Variants in FAF1 observed in about 807,000 individuals in gnomAD.
The protein encoded by FAF1 is FAS-associated factor 1.
Under a neutral mutation model 92.5 loss-of-function variants are expected in FAF1, and 25 were observed. The observed-to-expected ratio is 0.27, with a 90% CI of 0.20 to 0.38. The LOEUF (loss-of-function observed/expected upper bound fraction) is 0.38. Ranked by LOEUF, FAF1 falls within the 10% of genes least tolerant of loss-of-function variation. The pLI is 1.00. For missense variants in FAF1, 636 were observed against 793.3 expected, an observed-to-expected ratio of 0.80 and a Z score of 2.38; for synonymous variants, 234 against 273.2, an observed-to-expected ratio of 0.86 and a Z score of 1.42.
At chr1:50,899,436 T>A (rs1246456294) in intron 1 of FAF1, among the ~76,000 whole-genome samples, 1 of 152,176 alleles carries the variant, frequency 6.6e-6, no homozygotes, top group African/African-American at 2.4e-5. Context: ...GTGACTTTTA[T>A]CCTTGTTACA....
chr1:50,606,857 C>T (rs1415894389), intron 8 of FAF1: 1 of 152,036 alleles, frequency 6.6e-6, no homozygotes, highest in African/African-American at 2.4e-5. Context: ...CTGCTTACGA[C>T]TGGGAATTTC....
intron 7 of FAF1, among the ~76,000 whole-genome samples, chr1:50,672,561 G>C (rs925577904): frequency 1.3e-4 from 20 of 152,134 alleles, no homozygotes; most frequent in African/African-American, 4.8e-4. Flanking sequence ...GGGATTATAG[G>C]CGTGAGCCAC....
intron 2 of FAF1, among the ~76,000 whole-genome samples, chr1:50,837,566 G>A (rs1293309923): frequency 6.6e-6 from 1 of 152,064 alleles, no homozygotes; most frequent in East Asian, 1.9e-4. Context: ...TCTACAAAAA[G>A]AGTAAAACGC....
At chr1:50,559,636 A>C (rs938636940) in intron 13 of FAF1, among the ~76,000 whole-genome samples, 3 of 152,246 alleles carry the variant, frequency 2.0e-5, no homozygotes, top group Non-Finnish European at 4.4e-5. Flanking sequence ...ACCATGCTGC[A>C]AATTGATCTT....
intron 15 of FAF1, among the ~76,000 whole-genome samples, chr1:50,502,027 G>C (rs1646996886): frequency 6.6e-6 from 1 of 152,172 alleles, no homozygotes; most frequent in African/African-American, 2.4e-5. Flanking sequence ...AGCAGCAGTA[G>C]TGGCTTTTAT....
chr1:50,809,462 ACACT>A (rs1313880131), intron 2 of FAF1, among the ~76,000 whole-genome samples: 3 of 152,202 alleles, frequency 2.0e-5, no homozygotes, highest in Non-Finnish European at 4.4e-5. Context: ...AATACAAAGA[ACACT>A]CAGAGACTGC....
intron 13 of FAF1, among the ~76,000 whole-genome samples, chr1:50,560,223 G>A (rs1027587490): frequency 6.6e-6 from 1 of 152,224 alleles, no homozygotes; most frequent in African/African-American, 2.4e-5. Context: ...TAATTACTGA[G>A]ATGGAAAGTA....
chr1:50,691,593 G>T (rs1276631591), intron 7 of FAF1, among the ~76,000 whole-genome samples: 2 of 151,232 alleles, frequency 1.3e-5, no homozygotes, highest in Non-Finnish European at 2.9e-5. Context: ...AGTTCATTTT[G>T]CTTTTTTCTT....
intron 7 of FAF1, among the ~76,000 whole-genome samples, chr1:50,699,287 A>T (rs1322988495): frequency 6.6e-6 from 1 of 152,142 alleles, no homozygotes; most frequent in African/African-American, 2.4e-5. Flanking sequence ...TCCAAATTAC[A>T]GTACTATACA....
chr1:50,490,785 C>T, intron 16 of FAF1, 120 bp from the exon 17 acceptor site: 1 of 709,460 alleles, frequency 1.4e-6, no homozygotes, highest in Non-Finnish European at 2.5e-6. Flanking sequence ...TTCAAAGGCT[C>T]ATTGTCAACA....
At position 50,475,626 on chromosome 1, in the gene FAF1, A is replaced by G. The variant is rs149517258; in HGVS notation, c.1707T>C (p.Asn569=). ...QALPPEPKEE[N]AEPVSKLRIR... Reference sequence around the variant, plus strand: ...TCCGCAGTTTGCTCACAGGCTCAGCATTTTCTTCCTTTGGCTCAGGAGGCA... The same window carrying G: ...TCCGCAGTTTGCTCACAGGCTCAGCGTTTTCTTCCTTTGGCTCAGGAGGCA... The change falls in exon 18 of 19, where the codon AAT becomes AAC. Residue 569 remains asparagine, a synonymous_variant. Coordinates refer to ENST00000396153, the MANE Select transcript of FAF1 (RefSeq NM_007051.3). The G allele has an allele frequency of 3.1e-6, 5 of 1,613,934 alleles. No individual in the cohort carries two copies. In the African/African-American group the frequency reaches 6.7e-5, roughly 22 times the overall value.
At chr1:50,490,093 C>T (rs1005365282) in intron 17 of FAF1, among the ~76,000 whole-genome samples, 1 of 152,148 alleles carries the variant, frequency 6.6e-6, no homozygotes, top group Non-Finnish European at 1.5e-5. Flanking sequence ...GGTGCGGTGG[C>T]TCACGCCTGT....
chr1:50,809,071 A>T (rs1662319211), intron 2 of FAF1, among the ~76,000 whole-genome samples: 1 of 152,150 alleles, frequency 6.6e-6, no homozygotes, highest in Non-Finnish European at 1.5e-5. Context: ...ACATTATTAG[A>T]CAGATCATCA....
chr1:50,882,654 A>G (rs186900494), intron 1 of FAF1, among the ~76,000 whole-genome samples: 33 of 150,528 alleles, frequency 2.2e-4, no homozygotes, highest in African/African-American at 6.8e-4. Context: ...ATAAATGTGT[A>G]TGTATGTATG....
At chr1:50,505,717 T>G (rs1647050681) in intron 15 of FAF1, among the ~76,000 whole-genome samples, 4 of 152,198 alleles carry the variant, frequency 2.6e-5, no homozygotes, top group Admixed American at 6.5e-5. Context: ...CAGAGTTAAG[T>G]AGCTGTGACA....
At chr1:50,447,394 G>T (rs1646242429) in intron 18 of FAF1, among the ~76,000 whole-genome samples, 1 of 152,064 alleles carries the variant, frequency 6.6e-6, no homozygotes, top group African/African-American at 2.4e-5. Flanking sequence ...CAAAGTGCTG[G>T]GATTACAGGC....
At chr1:50,458,387 A>T (rs1646382622) in intron 18 of FAF1, among the ~76,000 whole-genome samples, 1 of 152,226 alleles carries the variant, frequency 6.6e-6, no homozygotes, top group Admixed American at 6.5e-5. Flanking sequence ...TTTGAGCTTC[A>T]GTGTTCTTAT....
chr1:50,819,726 T>TAC (rs1201938656), intron 2 of FAF1, among the ~76,000 whole-genome samples: 1 of 11,736 alleles, frequency 8.5e-5, no homozygotes, highest in African/African-American at 2.3e-4. Flanking sequence ...CGTATATATA[T>TAC]ATACATATAT....
At chr1:50,913,377 A>G (rs1644899650) in intron 1 of FAF1, among the ~76,000 whole-genome samples, 1 of 152,250 alleles carries the variant, frequency 6.6e-6, no homozygotes, top group Non-Finnish European at 1.5e-5. Flanking sequence ...ATAAGAAAAT[A>G]CAAGCTTAAA....
Sources: gnomAD v4.1 joint callset for allele counts (sites outside exome capture counted in the v4.1 genomes callset) on GRCh38, gnomAD v4.1.1 for gene constraint, MANE v1.5 for transcripts, NCBI Gene and HGNC (gene_info 2026-07-23, HGNC 2026-07-21) for gene names.